MARCHF1: variants seen among roughly 807,000 people sequenced by gnomAD.
MARCHF1 encodes the protein E3 ubiquitin-protein ligase MARCHF1.
A neutral mutation model predicts 54.2 loss-of-function variants in MARCHF1; 40 were observed. The observed-to-expected ratio is 0.74, with a 90% CI of 0.57 to 0.96. The LOEUF (loss-of-function observed/expected upper bound fraction) is 0.96, where lower values mean the gene tolerates loss of function less well. Among genes scored for constraint, MARCHF1 ranks in the 40% least tolerant of loss-of-function variants. MARCHF1 has a pLI of 0.00. For synonymous variants in MARCHF1, 236 were observed against 236.3 expected (o/e 1.00, Z 0.01); for missense variants, 586 against 656.5 (o/e 0.89, Z 1.17).
chr4:164,213,921 G>A (rs1367364237), intron 1 of MARCHF1, among the ~76,000 whole-genome samples: 1 of 151,992 alleles, frequency 6.6e-6, no homozygotes, highest in African/African-American at 2.4e-5. Flanking sequence ...ACAGTTAAAA[G>A]AGCATAACTG....
chr4:163,716,645 C>T (rs1368554299), intron 4 of MARCHF1, among the ~76,000 whole-genome samples: 2 of 152,196 alleles, frequency 1.3e-5, no homozygotes, highest in Non-Finnish European at 2.9e-5. Flanking sequence ...AGTAGCTCCA[C>T]ACCCATGATT....
intron 3 of MARCHF1, among the ~76,000 whole-genome samples, chr4:163,859,607 T>C (rs1022556693): frequency 2.0e-5 from 3 of 152,098 alleles, no homozygotes; most frequent in African/African-American, 7.2e-5. Context: ...GTGATCCACC[T>C]GCTTCGGCCT....
chr4:163,655,057 G>T (rs1743092521), intron 5 of MARCHF1, among the ~76,000 whole-genome samples: 1 of 151,314 alleles, frequency 6.6e-6, no homozygotes. Context: ...CATGCATTTG[G>T]AAGTTACATA....
intron 1 of MARCHF1, among the ~76,000 whole-genome samples, chr4:164,257,582 T>C (rs1003466547): frequency 6.6e-6 from 1 of 151,764 alleles, no homozygotes; most frequent in Non-Finnish European, 1.5e-5. Flanking sequence ...AAAATATATA[T>C]ATATTTGAAA....
chr4:164,056,247 C>T (rs544847902), intron 2 of MARCHF1, among the ~76,000 whole-genome samples: 14 of 152,222 alleles, frequency 9.2e-5, no homozygotes, highest in African/African-American at 2.6e-4. Flanking sequence ...CCCTGTGTGT[C>T]GCTATGAGAA....
intron 3 of MARCHF1, among the ~76,000 whole-genome samples, chr4:163,943,594 G>A (rs1375090352): frequency 2.0e-5 from 3 of 151,986 alleles, no homozygotes; most frequent in African/African-American, 4.8e-5. Flanking sequence ...GATGTAGGGT[G>A]GAAGTTGGGA....
At chr4:163,857,419 T>C (rs1434747526) in intron 3 of MARCHF1, among the ~76,000 whole-genome samples, 1 of 152,030 alleles carries the variant, frequency 6.6e-6, no homozygotes, top group African/African-American at 2.4e-5. Context: ...GCCAGAAGGG[T>C]AGGCAAATTA....
At chr4:163,742,110 T>A (rs1247246750) in intron 4 of MARCHF1, among the ~76,000 whole-genome samples, 2 of 151,984 alleles carry the variant, frequency 1.3e-5, no homozygotes. Context: ...TGTCTGCAAT[T>A]TTTTTTATGA....
chr4:164,121,181 C>G (rs1176380173), intron 1 of MARCHF1, among the ~76,000 whole-genome samples: 1 of 152,038 alleles, frequency 6.6e-6, no homozygotes, highest in African/African-American at 2.4e-5. Flanking sequence ...TTTGTGGCTA[C>G]TATGAGCAAT....
At chr4:163,915,330 C>G (rs531838424) in intron 3 of MARCHF1, among the ~76,000 whole-genome samples, 11 of 152,070 alleles carry the variant, frequency 7.2e-5, no homozygotes, top group Non-Finnish European at 1.6e-4. Context: ...ATAATCCCAA[C>G]TTAATTATGA....
chr4:164,196,148 C>A (rs1245043108), intron 1 of MARCHF1, among the ~76,000 whole-genome samples: 1 of 152,048 alleles, frequency 6.6e-6, no homozygotes, highest in African/African-American at 2.4e-5. Context: ...CTGGTTGTAT[C>A]TTTCAATGTA....
intron 1 of MARCHF1, among the ~76,000 whole-genome samples, chr4:164,229,002 G>A (rs113889133): frequency 7.2e-5 from 11 of 152,148 alleles, no homozygotes; most frequent in East Asian, 3.9e-4. Context: ...AGGCAGGGGC[G>A]TCTGTATTAG....
chr4:164,352,580 C>A (rs1402815493), intron 1 of MARCHF1, among the ~76,000 whole-genome samples: 1 of 148,682 alleles, frequency 6.7e-6, no homozygotes, highest in Non-Finnish European at 1.5e-5. Flanking sequence ...TTGTCACCAC[C>A]AGGCCTGCCC....
intron 1 of MARCHF1, among the ~76,000 whole-genome samples, chr4:164,179,361 C>A (rs866728337): frequency 1.2e-4 from 19 of 152,070 alleles, no homozygotes; most frequent in African/African-American, 4.6e-4. Context: ...TTTCATTTAG[C>A]ATTAATTTCT....
At chr4:163,693,865 T>C (rs957446461) in intron 5 of MARCHF1, among the ~76,000 whole-genome samples, 7 of 152,164 alleles carry the variant, frequency 4.6e-5, no homozygotes, top group Non-Finnish European at 7.4e-5. Flanking sequence ...ATTTTGAAAT[T>C]TGCGGAAATC....
At chr4:163,676,528 C>T (rs910859282) in intron 5 of MARCHF1, among the ~76,000 whole-genome samples, 2 of 152,136 alleles carry the variant, frequency 1.3e-5, no homozygotes, top group African/African-American at 4.8e-5. Context: ...AAGAGGATTG[C>T]TGGAGGCCAA....
intron 2 of MARCHF1, among the ~76,000 whole-genome samples, chr4:164,087,303 A>G (rs776886966): frequency 2.0e-5 from 3 of 152,142 alleles, no homozygotes; most frequent in Non-Finnish European, 4.4e-5. Flanking sequence ...TGTATTGTCT[A>G]GAACCATCCC....
chr4:164,110,026 T>C (rs1755801226), intron 2 of MARCHF1, among the ~76,000 whole-genome samples: 1 of 151,064 alleles, frequency 6.6e-6, no homozygotes, highest in Non-Finnish European at 1.5e-5. Context: ...AGCTGATATA[T>C]GGAAACATTC....
chr4:163,816,792 T>C (rs1252330210), intron 4 of MARCHF1, among the ~76,000 whole-genome samples: 3 of 152,126 alleles, frequency 2.0e-5, no homozygotes, highest in Non-Finnish European at 4.4e-5. Context: ...ACTACCTCCA[T>C]AAAGGGTTAC....
Sources: allele counts gnomAD v4.1 joint callset (sites outside exome capture counted in the v4.1 genomes callset), GRCh38; gene constraint gnomAD v4.1.1; transcripts MANE v1.5; gene names NCBI Gene and HGNC (gene_info 2026-07-23, HGNC 2026-07-21).